Variants in OPA1 observed in about 807,000 individuals in gnomAD.
OPA1 encodes dynamin-like GTPase OPA1, mitochondrial.
A neutral mutation model predicts 152.9 loss-of-function variants in OPA1; 59 were observed. The observed-to-expected ratio is 0.39, with a 90% CI of 0.31 to 0.48. The LOEUF (loss-of-function observed/expected upper bound fraction) is 0.48. Among genes scored for constraint, OPA1 ranks in the 20% least tolerant of loss-of-function variants. The pLI is 0.96. For synonymous variants in OPA1, 400 were observed against 389.9 expected (o/e 1.03, Z -0.31); for missense variants, 1,008 against 1,216.8 (o/e 0.83, Z 2.55).
intron 29 of OPA1, among the ~76,000 whole-genome samples, chr3:193,687,875 A>T (rs1379806341): frequency 6.6e-6 from 1 of 152,256 alleles, no homozygotes; most frequent in Non-Finnish European, 1.5e-5. Flanking sequence ...GAATATGTAT[A>T]CATAGCCAGC....
chr3:193,596,340 T>G (rs138983954), intron 1 of OPA1, among the ~76,000 whole-genome samples: 28 of 79,364 alleles, frequency 3.5e-4, no homozygotes, highest in African/African-American at 1.0e-3. Flanking sequence ...CCTTTCCTTT[T>G]CTTTTCTTTT....
Position 193,697,072 on chromosome 3 carries a change from A to C in OPA1, c.*2472A>C, listed in dbSNP as rs1164301244. 6.6e-6 allele frequency: 1 copy of C among 152,250 alleles called. No individual in the cohort carries two copies. Among genetic ancestry groups the C allele is most frequent in the Non-Finnish European group, 1.5e-5 (1 of 68,044 alleles). 9.4% of individuals were successfully genotyped at this position (152,250 alleles called of 1,614,324 possible). Reference sequence around the variant, plus strand: ...AATGATATAAAAATAAGTAGGGAACATGGCAGAGAGTGGTGCTTCCCAGCC... The same window carrying C: ...AATGATATAAAAATAAGTAGGGAACCTGGCAGAGAGTGGTGCTTCCCAGCC... On this transcript the variant is annotated 3_prime_UTR_variant, in exon 31 of 31. Coordinates refer to ENST00000361510, the MANE Select transcript of OPA1 (RefSeq NM_130837.3).
At position 193,697,065 on chromosome 3, in the gene OPA1, A is replaced by G. The variant is rs990140484; in HGVS notation, c.*2465A>G. 8 of 152,260 alleles carry G rather than the reference A, an allele frequency of 5.3e-5. No individual in the cohort carries two copies. Among genetic ancestry groups the G allele is most frequent in the African/African-American group, 2.4e-5 (1 of 41,468 alleles). The allele number at this position is 152,260 out of a possible 1,614,324, so 9.4% of individuals were successfully genotyped here. A position where few individuals can be genotyped will look rare whatever the true frequency, so the allele number is the denominator to read the frequency against. On this transcript the variant is annotated 3_prime_UTR_variant, in exon 31 of 31. Transcript: ENST00000361510. ...GCAAATGAATGATATAAAAATAAGTAGGGAACATGGCAGAGAGTGGTGCTT... is the reference window on the plus strand; with the variant it reads ...GCAAATGAATGATATAAAAATAAGTGGGGAACATGGCAGAGAGTGGTGCTT...
intron 8 of OPA1, among the ~76,000 whole-genome samples, chr3:193,632,342 G>T (rs977008415): frequency 6.6e-6 from 1 of 152,068 alleles, no homozygotes. Flanking sequence ...TTAGCTGGGC[G>T]TGGTGGCAGG....
intron 8 of OPA1, among the ~76,000 whole-genome samples, chr3:193,632,492 A>G (rs1732245180): frequency 6.6e-6 from 1 of 152,090 alleles, no homozygotes; most frequent in African/African-American, 2.4e-5. Context: ...AAAAGAAAAA[A>G]AAGTTACCCT....
intron 22 of OPA1, among the ~76,000 whole-genome samples, chr3:193,656,652 T>C (rs1172783375): frequency 6.6e-6 from 1 of 152,156 alleles, no homozygotes; most frequent in East Asian, 1.9e-4. Flanking sequence ...AATAAATAAA[T>C]GAACTAACTT....
intron 1 of OPA1, among the ~76,000 whole-genome samples, chr3:193,604,152 A>G (rs1382791309): frequency 1.3e-5 from 2 of 152,214 alleles, no homozygotes; most frequent in Non-Finnish European, 2.9e-5. Context: ...CAATTAGGAT[A>G]TGCCTTAGAG....
intron 1 of OPA1, among the ~76,000 whole-genome samples, chr3:193,596,351 CTTTTCTTTTCTTAA>C (rs1422242240): frequency 7.3e-6 from 1 of 137,712 alleles, no homozygotes; most frequent in Non-Finnish European, 1.5e-5. Context: ...CTTTTCTTTT[CTTTTCTTTTCTTAA>C]TTTTCTTTTC....
intron 29 of OPA1, chr3:193,669,030 T>G: frequency 4.0e-6 from 1 of 247,440 alleles, no homozygotes; most frequent in Non-Finnish European, 6.5e-6. Flanking sequence ...TCCTGTCTTA[T>G]TAGTTTTCTG....
At chr3:193,669,306 A>C (rs1717397544) in intron 29 of OPA1, among the ~76,000 whole-genome samples, 1 of 152,102 alleles carries the variant, frequency 6.6e-6, no homozygotes, top group Non-Finnish European at 1.5e-5. Context: ...TTCTTCCTTT[A>C]AATATTCTTC....
At chr3:193,630,955 T>C (rs1435966692) in intron 7 of OPA1, among the ~76,000 whole-genome samples, 1 of 152,210 alleles carries the variant, frequency 6.6e-6, no homozygotes, top group Non-Finnish European at 1.5e-5. Flanking sequence ...GAAATTAATT[T>C]TAGTTGCTTT....
At chr3:193,604,350 G>T (rs1387570068) in intron 1 of OPA1, among the ~76,000 whole-genome samples, 1 of 152,174 alleles carries the variant, frequency 6.6e-6, no homozygotes. Flanking sequence ...CAAGGTAAAG[G>T]CTCTGGTACA....
chr3:193,612,496 C>A (rs1361624483), intron 1 of OPA1, among the ~76,000 whole-genome samples: 1 of 152,108 alleles, frequency 6.6e-6, no homozygotes, highest in African/African-American at 2.4e-5. Flanking sequence ...TTCACTTAGT[C>A]TTTTGGAGGC....
chr3:193,665,239 AG>A (rs1716255524), intron 27 of OPA1, among the ~76,000 whole-genome samples: 1 of 149,280 alleles, frequency 6.7e-6, no homozygotes, highest in African/African-American at 2.5e-5. Context: ...AGTAAAAAAA[AG>A]TGTGAATATA....
intron 26 of OPA1, 46 bp downstream of exon 26, chr3:193,663,008 G>C (rs1296161914): frequency 6.3e-7 from 1 of 1,593,106 alleles, no homozygotes; most frequent in Non-Finnish European, 8.6e-7. Context: ...CTTAATATTT[G>C]TTTCTTGCAG....
At chr3:193,648,343 G>A (rs1711557181) in intron 20 of OPA1, 1 of 480,584 alleles carries the variant, frequency 2.1e-6, no homozygotes, top group South Asian at 2.7e-5. Context: ...ATTATAAGAT[G>A]TCAAAACAAG....
chr3:193,675,523 T>A (rs1030547132), intron 29 of OPA1, among the ~76,000 whole-genome samples: 1 of 152,086 alleles, frequency 6.6e-6, no homozygotes, highest in Non-Finnish European at 1.5e-5. Context: ...CCTTTCTTTT[T>A]ATGCACTTCT....
chr3:193,631,408 C>T (rs749657874), intron 7 of OPA1, among the ~76,000 whole-genome samples: 1 of 152,060 alleles, frequency 6.6e-6, no homozygotes, highest in Non-Finnish European at 1.5e-5. Flanking sequence ...TTTTGTTTCT[C>T]AATATAAAAT....
At chr3:193,609,443 T>A (rs1321251122) in intron 1 of OPA1, among the ~76,000 whole-genome samples, 1 of 152,234 alleles carries the variant, frequency 6.6e-6, no homozygotes, top group Non-Finnish European at 1.5e-5. Flanking sequence ...GTGGGTAACC[T>A]GACCTTTCTC....
Sources: gnomAD v4.1 joint callset for allele counts (sites outside exome capture counted in the v4.1 genomes callset) on GRCh38, gnomAD v4.1.1 for gene constraint, MANE v1.5 for transcripts, NCBI Gene and HGNC (gene_info 2026-07-23, HGNC 2026-07-21) for gene names.